The following BEND2 variants were observed in gnomAD, a reference collection of about 807,000 sequenced individuals.
BEND2 encodes BEN domain-containing protein 2.
A neutral mutation model predicts 43.8 loss-of-function variants in BEND2; 19 were observed. That is an observed-to-expected ratio of 0.43 (90% CI 0.30 to 0.64). The LOEUF is 0.64. Among genes scored for constraint, BEND2 ranks in the 30% least tolerant of loss-of-function variants. BEND2 has a pLI of 0.11. For synonymous variants in BEND2, 226 were observed against 210.1 expected, an observed-to-expected ratio of 1.08 and a Z score of -0.66; for missense variants, 544 against 574.0, an observed-to-expected ratio of 0.95 and a Z score of 0.53.
At position 18,220,886 on chromosome X, in the gene BEND2, T is replaced by A; in HGVS notation, c.-136A>T. 1 of 722,312 alleles carries A rather than the reference T, an allele frequency of 1.4e-6. No individual in the cohort carries two copies. The highest frequency in any genetic ancestry group is 2.8e-5 in the South Asian group (1 of 35,721). 59.5% of individuals were successfully genotyped at this position (722,312 alleles called of 1,213,427 possible). A position where few individuals can be genotyped will look rare whatever the true frequency, so the allele number is the denominator to read the frequency against. On this transcript the variant is annotated 5_prime_UTR_variant, in exon 1 of 14. Transcript: ENST00000380033. ...CGTACACTCGTTGTCCGAGGCACAA[T>A]GAGGCCCGGGCAGGAGCCTGGACCA...
rs1925183851 is a variant in BEND2 at position 18,202,049 on chromosome X, A to G, written c.908-109T>C. ...GAAAGAGAAACAGACATTCACACAC[A>G]AAGGAAAACAAAAAGAATTTGTCCC... On this transcript the variant is annotated intron_variant, in intron 5 of 13. Transcript: ENST00000380033. 2.0e-5 allele frequency: 16 copies of G among 792,259 alleles called. No homozygotes were observed. In the South Asian group the frequency reaches 4.7e-4, roughly 23 times the overall value. The allele number at this position is 792,259 out of a possible 1,213,427, so 65.3% of individuals were successfully genotyped here.
At chrX:18,179,975 G>C (rs1924322685) in intron 9 of BEND2, among the ~76,000 whole-genome samples, 2 of 112,277 alleles carry the variant, frequency 1.8e-5, no homozygotes, top group Admixed American at 1.9e-4. Flanking sequence ...CTAGGAGTTT[G>C]ATAACAGCCT....
Position 18,215,271 on chromosome X carries a change from C to T in BEND2, c.238+1250G>A, listed in dbSNP as rs1027548774. 3.6e-5 allele frequency among the ~76,000 whole-genome samples: 4 copies of T among 112,005 alleles called. No individual in the cohort carries two copies. In the Admixed American group the frequency reaches 3.8e-4, roughly 11 times the overall value. On this transcript the variant is annotated intron_variant, in intron 2 of 13. Coordinates refer to ENST00000380033, the MANE Select transcript of BEND2 (RefSeq NM_153346.5). ...TCATCCCCAACATACACTCTGTACC[C>T]ATTACACAATAACTCCCCCTCACCT...
chrX:18,198,430 C>G (rs774879711), intron 6 of BEND2, among the ~76,000 whole-genome samples: 1 of 111,961 alleles, frequency 8.9e-6, no homozygotes, highest in East Asian at 2.8e-4. Flanking sequence ...GACATTTATG[C>G]AGCCAACAGA....
intron 8 of BEND2, among the ~76,000 whole-genome samples, chrX:18,188,492 A>G (rs1602038285): frequency 8.9e-6 from 1 of 112,273 alleles, no homozygotes; most frequent in East Asian, 2.8e-4. Context: ...AGTGGCTACC[A>G]TGAGTAACTG....
At chrX:18,213,589 A>G (rs1012978885) in intron 3 of BEND2, among the ~76,000 whole-genome samples, 185 bp downstream of exon 3, 1 of 111,506 alleles carries the variant, frequency 9.0e-6, no homozygotes, top group Non-Finnish European at 1.9e-5. Context: ...ATAAATGCAG[A>G]CTAATGTTAT....
chrX:18,220,599 G>GA, intron 1 of BEND2, 127 bp downstream of exon 1: 1 of 989,413 alleles, frequency 1.0e-6, no homozygotes, highest in Non-Finnish European at 1.4e-6. Context: ...GCCGCCCCCC[G>GA]ACACGCCCCG....
chrX:18,180,239 C>T (rs1924333571), intron 9 of BEND2, among the ~76,000 whole-genome samples: 1 of 112,466 alleles, frequency 8.9e-6, no homozygotes, highest in Non-Finnish European at 1.9e-5. Flanking sequence ...TCAAGTCCTA[C>T]TCACCAGCTC....
chrX:18,214,715 G>T (rs1348186551), intron 2 of BEND2, among the ~76,000 whole-genome samples: 1 of 103,734 alleles, frequency 9.6e-6, no homozygotes, highest in Non-Finnish European at 2.0e-5. Context: ...GGAAGCTGAG[G>T]CAGGAGAGTC....
chrX:18,173,155 G>C (rs1291745386), intron 12 of BEND2, among the ~76,000 whole-genome samples: 1 of 110,967 alleles, frequency 9.0e-6, no homozygotes, highest in Non-Finnish European at 1.9e-5. Flanking sequence ...CTGTCCCCTC[G>C]TTATAGCTGA....
chrX:18,195,996 C>T (rs1370294317), intron 6 of BEND2, among the ~76,000 whole-genome samples: 1 of 111,094 alleles, frequency 9.0e-6, no homozygotes, highest in African/African-American at 3.3e-5. Flanking sequence ...GGAAGAAAGA[C>T]TGATAGAAAG....
At chrX:18,201,396 C>CAAAAAAAAAAAAAA (rs1227049211) in intron 6 of BEND2, among the ~76,000 whole-genome samples, 52 of 20,590 alleles carry the variant, frequency 2.5e-3, no homozygotes, top group Admixed American at 3.2e-3. Flanking sequence ...AACTCCATCT[C>CAAAAAAAAAAAAAA]AAAAAAAAAA....
At chrX:18,211,697 C>T (rs1274956112) in intron 4 of BEND2, among the ~76,000 whole-genome samples, 1 of 109,983 alleles carries the variant, frequency 9.1e-6, no homozygotes, top group Non-Finnish European at 1.9e-5. Context: ...GTAGGAGAAT[C>T]GCTTGAACCC....
chrX:18,216,661 T>C lies in BEND2; in HGVS notation c.98A>G (p.Glu33Gly). ...GTCATTAGTGGAATTATCTGCTGTTTCAGAAACTTCCACCATCTCAATACT... is the reference window on the plus strand; with the variant it reads ...GTCATTAGTGGAATTATCTGCTGTTCCAGAAACTTCCACCATCTCAATACT... ...DCSIEMVEVS[E>G]TADNSTNDIA... Residue 33 changes from glutamate to glycine, a missense_variant, in exon 2 of 14, where the codon GAA becomes GGA. This residue lies in a region of BEND2 where 501 missense variants were observed against 501.6 expected (regional missense o/e 1.00). Coordinates refer to ENST00000380033, the MANE Select transcript of BEND2 (RefSeq NM_153346.5). The C allele has an allele frequency of 8.3e-7, 1 of 1,210,189 alleles. No individual in the cohort carries two copies. The highest frequency in any genetic ancestry group is 1.1e-6 in the Non-Finnish European group (1 of 894,074).
chrX:18,193,319 T>G (rs1339306830), intron 7 of BEND2, among the ~76,000 whole-genome samples: 4 of 96,113 alleles, frequency 4.2e-5, no homozygotes, highest in Middle Eastern at 5.2e-3. Context: ...TTTTTGAGAC[T>G]CTGTCTCACA....
intron 4 of BEND2, among the ~76,000 whole-genome samples, 173 bp downstream of exon 4, chrX:18,212,392 C>T (rs1251091871): frequency 9.0e-6 from 1 of 111,658 alleles, no homozygotes; most frequent in East Asian, 2.8e-4. Context: ...AGCCACTGCG[C>T]CCAGCCAAAA....
At chrX:18,220,290 G>A (rs895321882) in intron 1 of BEND2, among the ~76,000 whole-genome samples, 32 of 112,310 alleles carry the variant, frequency 2.8e-4, no homozygotes, top group Admixed American at 5.6e-4. Flanking sequence ...GATCTGTATC[G>A]CCGGAGCCCG....
At chrX:18,167,886 G>A (rs1020950703) in intron 13 of BEND2, among the ~76,000 whole-genome samples, 9 of 112,474 alleles carry the variant, frequency 8.0e-5, no homozygotes, top group Non-Finnish European at 5.6e-5. Context: ...TGTTTAAATG[G>A]CATGTGACAT....
intron 4 of BEND2, among the ~76,000 whole-genome samples, chrX:18,208,121 T>TACA (rs1475164850): frequency 9.0e-6 from 1 of 111,663 alleles, no homozygotes; most frequent in Non-Finnish European, 1.9e-5. Context: ...CTTCATACTT[T>TACA]ACAACAGTGT....
Sources: gnomAD v4.1 joint callset for allele counts (sites outside exome capture counted in the v4.1 genomes callset) on GRCh38, gnomAD v4.1.1 for gene constraint, gnomAD v4.1.1 regional missense constraint, MANE v1.5 for transcripts, NCBI Gene and HGNC (gene_info 2026-07-23, HGNC 2026-07-21) for gene names.